FER: variants seen among roughly 807,000 people sequenced by gnomAD.
FER encodes the protein FER tyrosine kinase, also known as tyrosine-protein kinase Fer.
A neutral mutation model predicts 111.0 loss-of-function variants in FER; 63 were observed. The ratio of observed to expected loss-of-function variants is 0.57; its 90% CI spans 0.46 to 0.70. The LOEUF (loss-of-function observed/expected upper bound fraction) is 0.70, where lower values mean the gene tolerates loss of function less well. Ranked by LOEUF, FER falls within the 30% of genes least tolerant of loss-of-function variation. FER has a pLI of 0.00. For synonymous variants in FER, 327 were observed against 313.9 expected (o/e 1.04, Z -0.44); for missense variants, 914 against 954.0 (o/e 0.96, Z 0.55).
At chr5:109,095,013 A>G (rs1302582809) in intron 16 of FER, among the ~76,000 whole-genome samples, 1 of 151,922 alleles carries the variant, frequency 6.6e-6, no homozygotes, top group South Asian at 2.1e-4. Context: ...AGTGAAATGT[A>G]CTCTTTTATT....
At chr5:109,048,899 A>G (rs1344345305) in intron 16 of FER, among the ~76,000 whole-genome samples, 1 of 152,056 alleles carries the variant, frequency 6.6e-6, no homozygotes, top group Admixed American at 6.6e-5. Context: ...TATCTATACA[A>G]TTCTACTTTT....
intron 5 of FER, among the ~76,000 whole-genome samples, chr5:108,859,769 A>G (rs1381414531): frequency 6.6e-6 from 1 of 152,024 alleles, no homozygotes; most frequent in Non-Finnish European, 1.5e-5. Flanking sequence ...TTGCTCTTTA[A>G]AGGTGTTTTA....
intron 17 of FER, among the ~76,000 whole-genome samples, chr5:109,141,409 G>A (rs1159270865): frequency 6.6e-6 from 1 of 152,172 alleles, no homozygotes; most frequent in Non-Finnish European, 1.5e-5. Flanking sequence ...AAAGCCACAG[G>A]TGGTACTGCA....
chr5:109,048,200 A>G (rs1269063714), intron 16 of FER, among the ~76,000 whole-genome samples: 9 of 152,098 alleles, frequency 5.9e-5, no homozygotes, highest in Admixed American at 5.9e-4. Flanking sequence ...TTCATGATTT[A>G]TAATTATTGG....
chr5:109,105,033 G>A (rs1368888460), intron 17 of FER, among the ~76,000 whole-genome samples: 1 of 152,098 alleles, frequency 6.6e-6, no homozygotes, highest in South Asian at 2.1e-4. Flanking sequence ...ATGAGCCACC[G>A]CGCCCGGCCA....
At chr5:108,863,487 C>A (rs1242137852) in intron 5 of FER, among the ~76,000 whole-genome samples, 1 of 152,054 alleles carries the variant, frequency 6.6e-6, no homozygotes, top group Admixed American at 6.5e-5. Context: ...TAGTAATATT[C>A]ATGGATAAAA....
At chr5:109,180,942 A>C (rs1456119529) in intron 18 of FER, 41 bp downstream of exon 18, 11 of 1,530,142 alleles carry the variant, frequency 7.2e-6, no homozygotes, top group Non-Finnish European at 9.7e-6. Context: ...GTAAAAATGA[A>C]CGGCATCAGC....
chr5:108,849,963 G>C (rs1385128976), intron 5 of FER, among the ~76,000 whole-genome samples: 3 of 152,090 alleles, frequency 2.0e-5, no homozygotes, highest in Admixed American at 2.0e-4. Context: ...AGGCCAAGGC[G>C]GGTGGATCAT....
intron 9 of FER, among the ~76,000 whole-genome samples, chr5:108,893,895 G>A (rs776436620): frequency 1.1e-4 from 16 of 151,996 alleles, no homozygotes; most frequent in Admixed American, 9.2e-4. Context: ...AAACTGGTAG[G>A]GGGCTGTATT....
chr5:108,937,801 G>C (rs1333889580), intron 10 of FER, among the ~76,000 whole-genome samples: 3 of 151,822 alleles, frequency 2.0e-5, no homozygotes, highest in Non-Finnish European at 2.9e-5. Context: ...CTTTGGTGTA[G>C]TTATGGGGTG....
At chr5:109,035,906 G>T (rs1770324137) in intron 13 of FER, among the ~76,000 whole-genome samples, 1 of 152,080 alleles carries the variant, frequency 6.6e-6, no homozygotes, top group Non-Finnish European at 1.5e-5. Context: ...TATATCACTG[G>T]TGACTAATGA....
intron 5 of FER, among the ~76,000 whole-genome samples, chr5:108,848,686 T>C (rs1762260796): frequency 2.0e-5 from 3 of 152,094 alleles, no homozygotes; most frequent in Admixed American, 2.0e-4. Flanking sequence ...TACATTGTTT[T>C]TGTTTTGTTT....
intron 10 of FER, among the ~76,000 whole-genome samples, chr5:108,915,588 C>CT (rs562817580): frequency 0.056 from 8,084 of 143,958 alleles, 240 homozygotes; most frequent in Middle Eastern, 0.085. Context: ...CCACAAAGGA[C>CT]TTTTTTTTTT....
At chr5:109,072,780 A>G (rs1775919226) in intron 16 of FER, among the ~76,000 whole-genome samples, 1 of 152,098 alleles carries the variant, frequency 6.6e-6, no homozygotes, top group African/African-American at 2.4e-5. Flanking sequence ...ATTCTCTCAC[A>G]ACTCTGAAAG....
At chr5:108,976,333 A>G (rs1275806065) in intron 13 of FER, among the ~76,000 whole-genome samples, 1 of 152,100 alleles carries the variant, frequency 6.6e-6, no homozygotes, top group Non-Finnish European at 1.5e-5. Context: ...ATTTTATCCT[A>G]TCAGATTGCT....
At chr5:109,169,244 G>A (rs1232520207) in intron 17 of FER, among the ~76,000 whole-genome samples, 1 of 152,016 alleles carries the variant, frequency 6.6e-6, no homozygotes, top group African/African-American at 2.4e-5. Context: ...ATACCATAAA[G>A]TCTTATCAAA....
intron 13 of FER, among the ~76,000 whole-genome samples, chr5:108,997,585 A>T (rs1272014185): frequency 6.6e-6 from 1 of 151,976 alleles, no homozygotes; most frequent in East Asian, 1.9e-4. Context: ...ACTATGTTCA[A>T]TAGGAGTGAT....
intron 10 of FER, among the ~76,000 whole-genome samples, chr5:108,923,588 A>C (rs1753326787): frequency 6.6e-6 from 1 of 152,212 alleles, no homozygotes; most frequent in Non-Finnish European, 1.5e-5. Flanking sequence ...TGTTTAAAAA[A>C]ATGAATGAAT....
chr5:109,061,066 G>T (rs997229794), intron 16 of FER, among the ~76,000 whole-genome samples: 1 of 152,056 alleles, frequency 6.6e-6, no homozygotes, highest in Non-Finnish European at 1.5e-5. Context: ...TTTGTCTTCA[G>T]TTCTTCCCTT....
Sources: allele counts gnomAD v4.1 joint callset (sites outside exome capture counted in the v4.1 genomes callset), GRCh38; gene constraint gnomAD v4.1.1; transcripts MANE v1.5; gene names NCBI Gene and HGNC (gene_info 2026-07-23, HGNC 2026-07-21).